Variants in SGK1 observed in about 807,000 individuals in gnomAD.
SGK1 encodes the protein serine/threonine-protein kinase Sgk1.
In SGK1, 26 loss-of-function variants were observed where a neutral mutation model predicts 64.2. The ratio of observed to expected loss-of-function variants is 0.40; its 90% confidence interval spans 0.30 to 0.56. The LOEUF (loss-of-function observed/expected upper bound fraction) is 0.56. Ranked by LOEUF, SGK1 falls within the 20% of genes least tolerant of loss-of-function variation. The probability of loss-of-function intolerance (pLI) is 0.38; values close to 1 mark genes in which losing one functional copy is unlikely to be tolerated. For synonymous variants in SGK1, 265 were observed against 239.7 expected (o/e 1.11, Z -0.98); for missense variants, 519 against 645.6 (o/e 0.80, Z 2.12).
chr6:134,312,541 T>C (rs542081502), intron 1 of SGK1, among the ~76,000 whole-genome samples: 7 of 152,162 alleles, frequency 4.6e-5, no homozygotes, highest in Non-Finnish European at 8.8e-5. Flanking sequence ...AGAAGTCATA[T>C]CATTTCACTT....
At chr6:134,212,844 T>C (rs1775914198) in intron 2 of SGK1, among the ~76,000 whole-genome samples, 1 of 152,212 alleles carries the variant, frequency 6.6e-6, no homozygotes, top group Non-Finnish European at 1.5e-5. Flanking sequence ...TATGCGAGCT[T>C]TCTTTCTGCA....
intron 1 of SGK1, among the ~76,000 whole-genome samples, chr6:134,281,372 C>A (rs1181222049): frequency 6.6e-6 from 1 of 152,072 alleles, no homozygotes; most frequent in African/African-American, 2.4e-5. Context: ...ATCTATGTAA[C>A]AAGTGGTAAG....
At position 134,249,018 on chromosome 6, in the gene SGK1, C is replaced by T. The variant is rs570798439; in HGVS notation, c.285+12915G>A. Among the ~76,000 whole-genome samples the T allele has an allele frequency of 1.1e-4, 17 of 152,212 alleles. No homozygotes were observed. In the East Asian group the frequency reaches 3.3e-3, roughly 29 times the overall value. ...GGCTCCTCTTTTTAATCATTTTTCTCATGTCAGTAATGAGAGCTCCTGAGT... is the reference window on the plus strand; with the variant it reads ...GGCTCCTCTTTTTAATCATTTTTCTTATGTCAGTAATGAGAGCTCCTGAGT... On this transcript the variant is annotated intron_variant, in intron 2 of 13. Coordinates refer to ENST00000367858, the MANE Select transcript of SGK1 (RefSeq NM_001143676.3).
chr6:134,175,622 C>A, intron 3 of SGK1: 2 of 1,542,028 alleles, frequency 1.3e-6, no homozygotes, highest in Non-Finnish European at 1.7e-6. Context: ...AGCAGGGACT[C>A]GAGCCGGGCT....
At chr6:134,307,396 ATTGACG>A (rs769861683) in intron 1 of SGK1, among the ~76,000 whole-genome samples, 107 of 152,322 alleles carry the variant, frequency 7.0e-4, no homozygotes, top group Admixed American at 1.8e-3. Context: ...AAGCAATTAT[ATTGACG>A]TTCGTTGTAG....
intron 1 of SGK1, among the ~76,000 whole-genome samples, chr6:134,283,423 G>A (rs541847734): frequency 1.3e-5 from 2 of 152,076 alleles, no homozygotes; most frequent in South Asian, 2.1e-4. Flanking sequence ...CCCAGAGGGT[G>A]GAGGTTGCAG....
intron 3 of SGK1, among the ~76,000 whole-genome samples, chr6:134,193,079 C>A (rs1340191408): frequency 6.6e-6 from 1 of 152,160 alleles, no homozygotes; most frequent in Non-Finnish European, 1.5e-5. Flanking sequence ...GTTCAAAAAT[C>A]TTCTTTTCCA....
chr6:134,300,515 G>A (rs1378684512), intron 1 of SGK1, among the ~76,000 whole-genome samples: 1 of 141,262 alleles, frequency 7.1e-6, no homozygotes, highest in Non-Finnish European at 1.5e-5. Flanking sequence ...TCCAGCCTGG[G>A]CAACAGCGCA....
chr6:134,185,555 AGTGTGTGTGTGTGTGT>A (rs55653141), intron 3 of SGK1, among the ~76,000 whole-genome samples: 3 of 145,420 alleles, frequency 2.1e-5, no homozygotes, highest in East Asian at 2.0e-4. Context: ...TATCTCTATG[AGTGTGTGTGTGTGTGT>A]GTGTGTGTGT....
At chr6:134,228,451 G>A (rs77665472) in intron 2 of SGK1, among the ~76,000 whole-genome samples, 7,032 of 152,212 alleles carry the variant, frequency 0.046, 531 homozygotes, top group African/African-American at 0.16. Flanking sequence ...GGGGCATAGA[G>A]AAGGCAAAAG....
At chr6:134,219,101 G>A (rs1453775024) in intron 2 of SGK1, among the ~76,000 whole-genome samples, 1 of 152,076 alleles carries the variant, frequency 6.6e-6, no homozygotes, top group Non-Finnish European at 1.5e-5. Context: ...TTGTGCCTTA[G>A]CCTCCTGAGT....
chr6:134,305,005 C>A (rs1178892268), intron 1 of SGK1, among the ~76,000 whole-genome samples: 1 of 152,170 alleles, frequency 6.6e-6, no homozygotes, highest in African/African-American at 2.4e-5. Flanking sequence ...GAGCACTTTA[C>A]TACATGGATC....
chr6:134,285,532 A>ATTT (rs370972130), intron 1 of SGK1, among the ~76,000 whole-genome samples: 1 of 139,512 alleles, frequency 7.2e-6, no homozygotes, highest in African/African-American at 2.6e-5. Context: ...ACCAGCATCA[A>ATTT]TTTTTTTTTT....
chr6:134,191,853 T>TTTTTTTTTTTTG (rs1775517553), intron 3 of SGK1, among the ~76,000 whole-genome samples: 1 of 140,600 alleles, frequency 7.1e-6, no homozygotes, highest in African/African-American at 2.7e-5. Flanking sequence ...TTTTTTTTTT[T>TTTTTTTTTTTTG]GAGACAGAGT....
At chr6:134,215,136 T>TTCTTTC (rs768387878) in intron 2 of SGK1, 38 of 344,992 alleles carry the variant, frequency 1.1e-4, no homozygotes, top group South Asian at 5.0e-4. Flanking sequence ...CTTTCTTTCT[T>TTCTTTC]TTTTTTTTTT....
In SGK1 at chr6:134,285,355, G is replaced by A. The variant is rs528324464; in HGVS notation, c.70-23207C>T. Among the ~76,000 whole-genome samples, 6 of 152,014 alleles carry A rather than the reference G, an allele frequency of 3.9e-5. No homozygotes were observed. In the South Asian group the frequency reaches 1.0e-3, roughly 26 times the overall value. On this transcript the variant is annotated intron_variant, in intron 1 of 13. Coordinates refer to ENST00000367858, the MANE Select transcript of SGK1 (RefSeq NM_001143676.3). ...TAGCCAAGCATGGTGGTGCATGCCT[G>A]TAGTCCCAGCTACTCAGGAGGCTGA... is the stretch of plus-strand genomic sequence containing the variant.
intron 1 of SGK1, among the ~76,000 whole-genome samples, chr6:134,279,645 T>TC (rs553712147): frequency 1.8e-4 from 27 of 151,642 alleles, no homozygotes; most frequent in African/African-American, 5.8e-4. Flanking sequence ...ATTAATCCCC[T>TC]CCCCCCCAAA....
intron 2 of SGK1, among the ~76,000 whole-genome samples, chr6:134,213,178 A>G (rs1282647572): frequency 6.6e-6 from 1 of 152,174 alleles, no homozygotes; most frequent in African/African-American, 2.4e-5. Flanking sequence ...GCAATGCTCT[A>G]TAACTCCTAT....
At chr6:134,265,601 A>G (rs552281677) in intron 1 of SGK1, among the ~76,000 whole-genome samples, 1 of 142,740 alleles carries the variant, frequency 7.0e-6, no homozygotes, top group South Asian at 2.1e-4. Context: ...ACATATACAT[A>G]TATATTTTAT....
Sources: allele counts gnomAD v4.1 joint callset (sites outside exome capture counted in the v4.1 genomes callset), GRCh38; gene constraint gnomAD v4.1.1; transcripts MANE v1.5; gene names NCBI Gene and HGNC (gene_info 2026-07-23, HGNC 2026-07-21).